The following NLRP1 variants were observed in gnomAD, a reference collection of about 807,000 sequenced individuals.
The protein encoded by NLRP1 is NLR family pyrin domain containing 1, also known as NACHT, LRR and PYD domains-containing protein 1.
Under a neutral mutation model 136.7 loss-of-function variants are expected in NLRP1, and 94 were observed. That is an observed-to-expected ratio of 0.69 (90% CI 0.58 to 0.82). The LOEUF is 0.82. NLRP1 is among the 40% of genes least tolerant of loss of function. The pLI is 0.00. For missense variants in NLRP1, 1,575 were observed against 1,802.7 expected (o/e 0.87, Z 2.29); for synonymous variants, 690 against 725.1 (o/e 0.95, Z 0.78).
intron 3 of NLRP1, among the ~76,000 whole-genome samples, chr17:5,575,863 A>G (rs1904963285): frequency 6.6e-6 from 1 of 152,238 alleles, no homozygotes; most frequent in Non-Finnish European, 1.5e-5. Flanking sequence ...AATTGACCAC[A>G]TAGTTGGAAG....
chr17:5,528,107 A>G (rs1909787437), intron 12 of NLRP1, among the ~76,000 whole-genome samples: 1 of 152,228 alleles, frequency 6.6e-6, no homozygotes, highest in Admixed American at 6.5e-5. Context: ...AGGTTGGGGC[A>G]AGCCAAGTTC....
At position 5,527,359 on chromosome 17, in the gene NLRP1, G is replaced by T. The variant is rs373158246; in HGVS notation, c.3520+3122C>A. Among the ~76,000 whole-genome samples the T allele has an allele frequency of 1.5e-4, 23 of 152,360 alleles. No homozygotes were observed. The East Asian group carries it at 2.1e-3, about 14-fold the overall frequency. On this transcript the variant is annotated intron_variant, in intron 12 of 16. Coordinates refer to ENST00000572272, the MANE Select transcript of NLRP1 (RefSeq NM_033004.4). ...GGCCGCATGTGGCCCACAGGCCGCA[G>T]GTTGTACAAGCTTGTGTACGGAGTC...
chr17:5,506,074 C>CT (rs1307765828), intron 15 of NLRP1: 1 of 152,088 alleles, frequency 6.6e-6, no homozygotes. Context: ...CGCCTGAGGT[C>CT]AGGAGTTCGA....
downstream of NLRP1, among the ~76,000 whole-genome samples, chr17:5,511,845 CCT>C (rs923810947): frequency 3.3e-4 from 49 of 149,980 alleles, no homozygotes; most frequent in African/African-American, 1.2e-3. Flanking sequence ...CCTTCCTCTT[CCT>C]CTTTCTCTTC....
In NLRP1 at chr17:5,532,713, GGTGA is replaced by G. The variant is rs1910462679; in HGVS notation, c.3296+105_3296+108del. On this transcript the variant is annotated intron_variant, in intron 11 of 16. Transcript: ENST00000572272. The stretch of plus-strand genomic sequence containing the variant: ...TCTTGGCAAGAGGAGGGGACCCAGT[GGTGA>G]GTGTGAGTTGGGGGTAGGGGGTGGC... 9.9e-6 allele frequency: 9 copies of G among 913,286 alleles called. No homozygotes were observed. In the South Asian group the frequency reaches 1.8e-4, roughly 18 times the overall value. The allele number at this position is 913,286 out of a possible 1,614,324, so 56.6% of individuals were successfully genotyped here. A position where few individuals can be genotyped will look rare whatever the true frequency, so the allele number is the denominator to read the frequency against.
At chr17:5,501,584 G>C (rs954741036) in exon 16 of NLRP1, 23 of 428,038 alleles carry the variant, frequency 5.4e-5, no homozygotes, top group African/African-American at 4.2e-4. Context: ...TTTTTTCTCT[G>C]TCTCTCCATC....
At chr17:5,549,679 G>T (rs1427163385) in intron 5 of NLRP1, among the ~76,000 whole-genome samples, 1 of 152,204 alleles carries the variant, frequency 6.6e-6, no homozygotes, top group African/African-American at 2.4e-5. Context: ...TCTGGAAGCT[G>T]TTAATTTCAT....
intron 14 of NLRP1, 29 bp downstream of exon 14, chr17:5,520,852 A>G (rs201745868): frequency 1.0e-5 from 16 of 1,526,538 alleles, no homozygotes; most frequent in Non-Finnish European, 1.3e-5. Flanking sequence ...TTCTGTTCGC[A>G]GTGAAGAGGC....
Position 5,530,642 on chromosome 17 carries a change from C to T in NLRP1, c.3359G>A (p.Arg1120Lys). Reference protein sequence around the residue: ...WPNTGLCFVMREAVTVEIEFC... With the variant: ...WPNTGLCFVMKEAVTVEIEFC... ...TTCAATCTCAACGGTCACCGCTTCT[C>T]TCATCACAAAGCAGAGACCCGTGTT... The change falls in exon 12 of 17, where the codon AGA becomes AAA. Residue 1120 changes from arginine to lysine, a missense_variant. Transcript: ENST00000572272. 1 of 1,614,246 alleles carries T rather than the reference C, an allele frequency of 6.2e-7. No individual in the cohort carries two copies. The highest frequency in any genetic ancestry group is 8.5e-7 in the Non-Finnish European group (1 of 1,180,046).
rs1350590729 is a variant in NLRP1, at chr17:5,558,847, G to C, written c.1849C>G (p.Leu617Val). The C allele has an allele frequency of 6.2e-7, 1 of 1,614,082 alleles. No homozygotes were observed. The highest frequency in any genetic ancestry group is 8.5e-7 in the Non-Finnish European group (1 of 1,180,038). The change falls in exon 4 of 17, where the codon CTG (leucine) becomes GTG (valine). Residue 617 changes from leucine (L) to valine (V), a missense_variant. Physicochemically the swap from Leu to Val is conservative, Grantham distance 32. Coordinates refer to ENST00000572272, the MANE Select transcript of NLRP1 (RefSeq NM_033004.4). ...CAGAGGTGAATGAAGCTGTAGCTCA[G>C]AGGGATGGGGTGCTCTTGAAGAATA... Reference protein sequence around the residue: ...MGILQEHPIPLSYSFIHLCFQ... With the variant: ...MGILQEHPIPVSYSFIHLCFQ...
chr17:5,557,875 G>C (rs997045828), intron 4 of NLRP1, among the ~76,000 whole-genome samples: 10 of 152,188 alleles, frequency 6.6e-5, no homozygotes, highest in African/African-American at 2.4e-4. Flanking sequence ...AGAGCTGATG[G>C]GGAAGATCTC....
chr17:5,538,566 C>G (rs1911404028), intron 7 of NLRP1, among the ~76,000 whole-genome samples: 3 of 152,170 alleles, frequency 2.0e-5, no homozygotes, highest in African/African-American at 7.2e-5. Context: ...TTTCCTTTCA[C>G]TCCACAGAGC....
downstream of NLRP1, among the ~76,000 whole-genome samples, chr17:5,511,148 A>C (rs995983291): frequency 6.6e-6 from 1 of 152,116 alleles, no homozygotes; most frequent in Non-Finnish European, 1.5e-5. Context: ...ATCCAGATCC[A>C]GGCCGGGCAC....
At position 5,583,670 on chromosome 17, in the gene NLRP1, G is replaced by A. The variant is rs1287164437; in HGVS notation, c.271+17C>T. Reference sequence around the variant, plus strand: ...CAGGGGATGTCCCGCGGGCAGTGGGGTCCTCTGTCCACTCACCTGCCCCTT... The same window carrying A: ...CAGGGGATGTCCCGCGGGCAGTGGGATCCTCTGTCCACTCACCTGCCCCTT... On this transcript the variant is annotated intron_variant, in intron 1 of 16. Transcript: ENST00000572272. This position sits in a 1 kb window ranked among gnomAD's most constrained non-coding sequence, Gnocchi z 4.5. 6.5e-7 allele frequency: 1 copy of A among 1,548,616 alleles called. No homozygotes were observed. The highest frequency in any genetic ancestry group is 8.7e-7 in the Non-Finnish European group (1 of 1,145,864).
Position 5,583,623 on chromosome 17 carries a change from A to G in NLRP1, c.271+64T>C, listed in dbSNP as rs1181692973. ...GAGGGCTCAGTGGTGGGGTCCCAAG[A>G]GGGCAGGGCAGGCATGAGGGCCAGG... On this transcript the variant is annotated intron_variant, in intron 1 of 16. Coordinates refer to ENST00000572272, the MANE Select transcript of NLRP1 (RefSeq NM_033004.4). This position sits in a 1 kb window ranked among gnomAD's most constrained non-coding sequence, Gnocchi z 4.5. 1.8e-5 allele frequency: 26 copies of G among 1,481,564 alleles called. No individual in the cohort carries two copies. Among genetic ancestry groups the G allele is most frequent in the Non-Finnish European group, 2.1e-5 (23 of 1,101,598 alleles). 91.8% of individuals were successfully genotyped at this position (1,481,564 alleles called of 1,614,324 possible).
rs575704666 is a variant in NLRP1, at chr17:5,548,814, C to T, written c.2528+4572G>A. ...CCCTCTGCTCTGTTGGGTTCCATGACACCTCTCTCTCCTGGTGTCCCTTTC... is the reference window on the plus strand; with the variant it reads ...CCCTCTGCTCTGTTGGGTTCCATGATACCTCTCTCTCCTGGTGTCCCTTTC... On this transcript the variant is annotated intron_variant, in intron 5 of 16. Transcript: ENST00000572272. Among the ~76,000 whole-genome samples, 8 of 152,298 alleles carry T rather than the reference C, an allele frequency of 5.3e-5. No individual in the cohort carries two copies. In the South Asian group the frequency reaches 1.7e-3, roughly 32 times the overall value.
intron 12 of NLRP1, among the ~76,000 whole-genome samples, chr17:5,526,468 G>A (rs1048806158): frequency 1.3e-5 from 2 of 152,126 alleles, no homozygotes; most frequent in African/African-American, 4.8e-5. Flanking sequence ...GGAATGGGGC[G>A]AGACCCCACT....
chr17:5,518,995 C>T lies in NLRP1; in HGVS notation c.3916-1108G>A, dbSNP rs1022349151. On this transcript the variant is annotated intron_variant, in intron 14 of 16. Transcript: ENST00000572272. ...CAGGGTTTACAGGTGCCCATCACCA[C>T]TCCCGGCTAATTTTTTTTTTTTTTT... is the stretch of plus-strand genomic sequence containing the variant. Among the ~76,000 whole-genome samples the T allele has an allele frequency of 4.0e-5, 6 of 151,680 alleles. No individual in the cohort carries two copies. In the East Asian group the frequency reaches 9.7e-4, roughly 25 times the overall value.
intron 12 of NLRP1, chr17:5,530,190 A>G (rs1383329044): frequency 4.0e-6 from 2 of 499,352 alleles, no homozygotes; most frequent in Non-Finnish European, 7.6e-6. Flanking sequence ...AACTGAGCAT[A>G]TCATCTCTTT....
Sources: allele counts gnomAD v4.1 joint callset (sites outside exome capture counted in the v4.1 genomes callset), GRCh38; gene constraint gnomAD v4.1.1; non-coding constraint Gnocchi (gnomAD v3.1); transcripts MANE v1.5; gene names NCBI Gene and HGNC (gene_info 2026-07-23, HGNC 2026-07-21).